The following MAP3K19 variants were observed in gnomAD, a reference collection of about 807,000 sequenced individuals.
MAP3K19 encodes the protein SPS1/STE20-related protein kinase YSK4.
In MAP3K19, 91 loss-of-function variants were observed where a neutral mutation model predicts 114.4. The observed-to-expected ratio is 0.80, with a 90% CI of 0.67 to 0.95. MAP3K19 has a LOEUF of 0.95. MAP3K19 is among the 40% of genes least tolerant of loss of function. MAP3K19 has a pLI of 0.00. For synonymous variants in MAP3K19, 518 were observed against 530.5 expected (o/e 0.98, Z 0.32); for missense variants, 1,471 against 1,573.2 (o/e 0.94, Z 1.10).
At position 134,997,928 on chromosome 2, in the gene MAP3K19, C is replaced by T. The variant is rs113778712; in HGVS notation, c.574+810G>A. ...TTTTTTCTTTTTTGGTAGGATGTGT[C>T]ACAGCTCCACTGGCATGCAGTCTCC... On this transcript the variant is annotated intron_variant, in intron 8 of 12. Transcript: ENST00000392915. Among the ~76,000 whole-genome samples the T allele has an allele frequency of 1.8e-3, 266 of 151,814 alleles. 1 individual carries two copies. Among genetic ancestry groups the T allele is most frequent in the African/African-American group, 6.2e-3 (256 of 41,416 alleles).
At chr2:135,008,161 C>T (rs1207083014) in intron 5 of MAP3K19, among the ~76,000 whole-genome samples, 4 of 151,138 alleles carry the variant, frequency 2.6e-5, no homozygotes, top group Non-Finnish European at 5.9e-5. Context: ...CTTGCTCTGT[C>T]GCCCAGGCTG....
At chr2:135,002,265 C>T (rs970002897) in intron 6 of MAP3K19, among the ~76,000 whole-genome samples, 2 of 152,114 alleles carry the variant, frequency 1.3e-5, no homozygotes, top group Non-Finnish European at 2.9e-5. Context: ...AAATGACATT[C>T]ATAACCAGTC....
At chr2:135,030,843 G>C (rs1434122299) in intron 2 of MAP3K19, among the ~76,000 whole-genome samples, 1 of 152,130 alleles carries the variant, frequency 6.6e-6, no homozygotes, top group African/African-American at 2.4e-5. Flanking sequence ...GATCACTTGA[G>C]CCCAGGAGTT....
chr2:134,993,282 T>C (rs1573969159), intron 8 of MAP3K19, among the ~76,000 whole-genome samples: 1 of 152,288 alleles, frequency 6.6e-6, no homozygotes. Flanking sequence ...AAAAGACTTC[T>C]AAGATTTAAC....
At chr2:135,041,794 C>A (rs1386015332) in intron 1 of MAP3K19, among the ~76,000 whole-genome samples, 1 of 152,118 alleles carries the variant, frequency 6.6e-6, no homozygotes, top group Admixed American at 6.5e-5. Context: ...GAACAAGAGG[C>A]TCATTTCATA....
intron 8 of MAP3K19, among the ~76,000 whole-genome samples, chr2:134,993,153 G>T (rs1460940986): frequency 6.6e-6 from 1 of 152,178 alleles, no homozygotes; most frequent in Non-Finnish European, 1.5e-5. Context: ...TGGGATTCCA[G>T]GTGTGAGCCA....
At position 134,987,745 on chromosome 2, in the gene MAP3K19, A is replaced by G. The variant is rs138672028; in HGVS notation, c.1127T>C (p.Val376Ala). 3 of 1,609,828 alleles carry G rather than the reference A, an allele frequency of 1.9e-6. No individual in the cohort carries two copies. The highest frequency in any genetic ancestry group is 1.7e-6 in the Non-Finnish European group (2 of 1,179,970). Residue 376 changes from valine (V) to alanine (A), a missense_variant, in exon 10 of 13, where the codon GTA (valine) becomes GCA (alanine). Transcript: ENST00000392915. ...TGGATCTTGTTCATAGTTTTTGGCT[A>G]CTGAACTCTCATTCTTTCTTGATGA... is the stretch of plus-strand genomic sequence containing the variant. ...YLSSRKNESS[V>A]AKNYEQDPEI...
At chr2:135,008,243 C>G (rs1171771303) in intron 5 of MAP3K19, among the ~76,000 whole-genome samples, 1 of 152,048 alleles carries the variant, frequency 6.6e-6, no homozygotes, top group Non-Finnish European at 1.5e-5. Context: ...CTGTCTCAAC[C>G]TCTCGAGTAG....
rs2105238167 is a variant in MAP3K19, at chr2:134,987,844, G to T, written c.1028C>A (p.Ala343Glu). 6.2e-7 allele frequency: 1 copy of T among 1,610,552 alleles called. No individual in the cohort carries two copies. Among genetic ancestry groups the T allele is most frequent in the South Asian group, 1.1e-5 (1 of 91,072 alleles). ...FENLKEGNIP[A>E]VREEDIDCHG... ...GCAGTCAATATCCTCTTCCCTAACT[G>T]CAGGAATATTGCCTTCCTTCAAATT... Residue 343 changes from alanine to glutamate, a missense_variant, in exon 10 of 13, where the codon GCA becomes GAA. By Grantham distance (107) the Ala-to-Glu change is moderately radical (BLOSUM62 -1). Transcript: ENST00000392915.
rs1158873207 is a variant in MAP3K19 at position 134,981,202 on chromosome 2, T to A, written c.3539A>T (p.Asn1180Ile). The change falls in exon 12 of 13, where the codon AAC (asparagine) becomes ATC (isoleucine). Residue 1180 changes from asparagine to isoleucine, a missense_variant. Coordinates refer to ENST00000392915, the MANE Select transcript of MAP3K19 (RefSeq NM_025052.5). The stretch of plus-strand genomic sequence containing the variant: ...TTTGATATCGCGATGTACCACACAG[T>A]TCTCATGGAGATAAGCAACACCTTG... ...ILQGVAYLHE[N>I]CVVHRDIKGN... The A allele has an allele frequency of 6.2e-7, 1 of 1,614,166 alleles. No individual in the cohort carries two copies.
intron 2 of MAP3K19, among the ~76,000 whole-genome samples, chr2:135,035,543 C>T (rs1688508024): frequency 6.6e-6 from 1 of 152,132 alleles, no homozygotes; most frequent in South Asian, 2.1e-4. Context: ...TTCTTTTTAT[C>T]TTCTTTTTCT....
At position 134,986,696 on chromosome 2, in the gene MAP3K19, G is replaced by A; in HGVS notation, c.2176C>T (p.Pro726Ser). ...TGTTTAATGCCAAATGAAGTCTTTG[G>A]GCATTTCATATGTGTTTTTTTCTGA... ...LSQKKTHMKC[P>S]KTSFGIKQEH... The change falls in exon 10 of 13, where the codon CCA (proline) becomes TCA (serine). Residue 726 changes from proline to serine, a missense_variant. Pro to Ser is a moderately conservative substitution (Grantham distance 74, BLOSUM62 -1). Transcript: ENST00000392915. 1 of 1,614,084 alleles carries A rather than the reference G, an allele frequency of 6.2e-7. No homozygotes were observed. The highest frequency in any genetic ancestry group is 8.5e-7 in the Non-Finnish European group (1 of 1,180,022).
Position 134,999,019 on chromosome 2 carries a change from T to G in MAP3K19, c.315-22A>C. The G allele has an allele frequency of 6.2e-7, 1 of 1,601,072 alleles. No homozygotes were observed. Among genetic ancestry groups the G allele is most frequent in the Non-Finnish European group, 8.5e-7 (1 of 1,174,986 alleles). The stretch of plus-strand genomic sequence containing the variant: ...CAGACTAAAGGGGGAGGGAAATGTT[T>G]GATTTAAAACTCAGTTGCCACATCT... On this transcript the variant is annotated intron_variant, in intron 7 of 12. Coordinates refer to ENST00000392915, the MANE Select transcript of MAP3K19 (RefSeq NM_025052.5). This position sits in a 1 kb window ranked among gnomAD's most constrained non-coding sequence, Gnocchi z 4.1.
chr2:135,005,326 G>T, intron 6 of MAP3K19, 109 bp downstream of exon 6: 1 of 778,396 alleles, frequency 1.3e-6, no homozygotes, highest in Non-Finnish European at 2.2e-6. Flanking sequence ...CCTCTGATAG[G>T]CTCCAGTGTA....
rs1014268521 is a variant in MAP3K19, at chr2:134,998,992, A to G, written c.320T>C (p.Ile107Thr). 6.2e-7 allele frequency: 1 copy of G among 1,612,316 alleles called. No homozygotes were observed. The highest frequency in any genetic ancestry group is 8.5e-7 in the Non-Finnish European group (1 of 1,179,608). ...SQEDLKEKNL[I>T]NSSLQEWAQA... ...TGCCCATTCTTGAAGCGATGAGTTT[A>G]TCAGACTAAAGGGGGAGGGAAATGT... The change falls in exon 8 of 13, where the codon ATA becomes ACA. Residue 107 changes from isoleucine (I) to threonine (T), a missense_variant. Ile to Thr is a moderately conservative substitution (Grantham distance 89, BLOSUM62 -1). Coordinates refer to ENST00000392915, the MANE Select transcript of MAP3K19 (RefSeq NM_025052.5).
At chr2:134,968,067 G>C (rs144464902) in intron 12 of MAP3K19, among the ~76,000 whole-genome samples, 2 of 151,990 alleles carry the variant, frequency 1.3e-5, no homozygotes, top group Non-Finnish European at 2.9e-5. Context: ...GACTCCCAAC[G>C]AGCATGCTGC....
At position 135,012,642 on chromosome 2, in the gene MAP3K19, C is replaced by T. The variant is rs375033529; in HGVS notation, c.139-7111G>A. Among the ~76,000 whole-genome samples, 33 of 152,068 alleles carry T rather than the reference C, an allele frequency of 2.2e-4. No homozygotes were observed. The South Asian group carries it at 5.8e-3, about 27-fold the overall frequency. The stretch of plus-strand genomic sequence containing the variant: ...CGTTTTCCTCAGAGGCAACCACTTC[C>T]AAACTTTTAGCTGTTTCTTTTGGTA... On this transcript the variant is annotated intron_variant, in intron 5 of 12. Transcript: ENST00000392915.
At position 134,998,896 on chromosome 2, in the gene MAP3K19, C is replaced by A; in HGVS notation, c.416G>T (p.Arg139Leu). The A allele has an allele frequency of 6.2e-7, 1 of 1,614,082 alleles. No individual in the cohort carries two copies. ...VELRKKKLTM[R>L]PLVLQKEESS... ...TTCCTCTTTTTGCAAAACTAAGGGCCGCATGGTCAGCTTCTTTTTCCTGAG... is the reference window on the plus strand; with the variant it reads ...TTCCTCTTTTTGCAAAACTAAGGGCAGCATGGTCAGCTTCTTTTTCCTGAG... The change falls in exon 8 of 13, where the codon CGG becomes CTG. Residue 139 changes from arginine (R) to leucine (L), a missense_variant. Physicochemically the swap from Arg to Leu is moderately radical, Grantham distance 102. Transcript: ENST00000392915.
intron 8 of MAP3K19, among the ~76,000 whole-genome samples, chr2:134,992,740 G>A (rs1685673117): frequency 6.6e-6 from 1 of 151,932 alleles, no homozygotes; most frequent in Middle Eastern, 3.4e-3. Flanking sequence ...CATGATCTCA[G>A]CTCGCTGCAA....
Sources: gnomAD v4.1 joint callset for allele counts (sites outside exome capture counted in the v4.1 genomes callset) on GRCh38, gnomAD v4.1.1 for gene constraint, Gnocchi (gnomAD v3.1) non-coding constraint, MANE v1.5 for transcripts, NCBI Gene and HGNC (gene_info 2026-07-23, HGNC 2026-07-21) for gene names.